FARS2: variants seen among roughly 807,000 people sequenced by gnomAD.
FARS2 encodes the protein phenylalanyl-tRNA synthetase 2, mitochondrial, also known as phenylalanine--tRNA ligase, mitochondrial.
In FARS2, 40 loss-of-function variants were observed where a neutral mutation model predicts 46.4. The ratio of observed to expected loss-of-function variants is 0.86; its 90% confidence interval spans 0.67 to 1.12. The LOEUF (loss-of-function observed/expected upper bound fraction) is 1.12. Ranked by LOEUF, FARS2 falls within the 50% of genes most tolerant of loss-of-function variation. The pLI is 0.00. For synonymous variants in FARS2, 234 were observed against 214.9 expected, an observed-to-expected ratio of 1.09 and a Z score of -0.78; for missense variants, 513 against 567.9, an observed-to-expected ratio of 0.90 and a Z score of 0.98.
chr6:5,552,853 GT>G (rs1191925152), intron 5 of FARS2, among the ~76,000 whole-genome samples: 4 of 152,150 alleles, frequency 2.6e-5, no homozygotes, highest in African/African-American at 9.6e-5. Flanking sequence ...CGTTCTGAGT[GT>G]TTGGGTCTTT....
chr6:5,369,841 T>A (rs888661588), intron 2 of FARS2, among the ~76,000 whole-genome samples: 2 of 152,102 alleles, frequency 1.3e-5, no homozygotes, highest in Non-Finnish European at 2.9e-5. Flanking sequence ...GTGCATCTGT[T>A]AGATGTTATC....
rs185506975 is a variant in FARS2, at chr6:5,506,489, A to G, written c.905-38691A>G. On this transcript the variant is annotated intron_variant, in intron 4 of 6. Transcript: ENST00000274680. ...TGGGGCTGGGCACAGCCTCTTAACCACCGAATTGTCTTCTGTTTACAATTC... is the reference window on the plus strand; with the variant it reads ...TGGGGCTGGGCACAGCCTCTTAACCGCCGAATTGTCTTCTGTTTACAATTC... Among the ~76,000 whole-genome samples, 275 of 152,182 alleles carry G rather than the reference A, an allele frequency of 1.8e-3. 1 individual carries two copies. Among genetic ancestry groups the G allele is most frequent in the Middle Eastern group, 3.4e-3 (1 of 294 alleles).
intron 4 of FARS2, among the ~76,000 whole-genome samples, chr6:5,537,546 C>T (rs111356206): frequency 5.2e-5 from 6 of 115,744 alleles, no homozygotes; most frequent in African/African-American, 1.9e-4. Context: ...GGCCTCCTCT[C>T]GAGTTGGAGA....
intron 4 of FARS2, among the ~76,000 whole-genome samples, chr6:5,516,587 T>G (rs1768808748): frequency 6.6e-6 from 1 of 152,224 alleles, no homozygotes; most frequent in Non-Finnish European, 1.5e-5. Flanking sequence ...TGTTTGTCAC[T>G]TAAACTCTTC....
chr6:5,411,156 G>A (rs1011743379), intron 3 of FARS2, among the ~76,000 whole-genome samples: 14 of 152,192 alleles, frequency 9.2e-5, no homozygotes, highest in Non-Finnish European at 1.8e-4. Context: ...GCTCACGCCT[G>A]TAGTCCCAGC....
chr6:5,714,726 A>G (rs532595478), intron 6 of FARS2, among the ~76,000 whole-genome samples: 2 of 152,148 alleles, frequency 1.3e-5, no homozygotes, highest in Non-Finnish European at 2.9e-5. Context: ...AGATGAGAGT[A>G]ATAAAACTTC....
chr6:5,574,194 C>T (rs967412539), intron 5 of FARS2, among the ~76,000 whole-genome samples: 6 of 151,984 alleles, frequency 3.9e-5, no homozygotes, highest in Non-Finnish European at 8.8e-5. Flanking sequence ...TACAGTGGTG[C>T]GATCTCGGCT....
chr6:5,654,560 G>A (rs573326564), intron 6 of FARS2, among the ~76,000 whole-genome samples: 2 of 152,280 alleles, frequency 1.3e-5, no homozygotes, highest in East Asian at 3.9e-4. Context: ...ACACCGAAAA[G>A]CATTAAGACT....
chr6:5,697,406 T>C (rs769980584), intron 6 of FARS2, among the ~76,000 whole-genome samples: 2 of 152,180 alleles, frequency 1.3e-5, no homozygotes, highest in African/African-American at 2.4e-5. Context: ...ACATCCACCA[T>C]TGAAGGGAAT....
At chr6:5,719,190 C>A (rs1759709182) in intron 6 of FARS2, among the ~76,000 whole-genome samples, 3 of 151,748 alleles carry the variant, frequency 2.0e-5, no homozygotes, top group Admixed American at 2.0e-4. Context: ...CAAGACCAGC[C>A]CGGGCAACAA....
intron 6 of FARS2, among the ~76,000 whole-genome samples, chr6:5,693,667 T>C (rs1040574254): frequency 3.9e-5 from 6 of 152,218 alleles, no homozygotes. Flanking sequence ...TCTGTGATGC[T>C]GGGGCCTTGT....
At chr6:5,251,169 TA>T in the FARS2 span, among the ~76,000 whole-genome samples, 2 of 152,166 alleles carry the variant, frequency 1.3e-5, no homozygotes, top group Non-Finnish European at 2.9e-5. Flanking sequence ...AGTGTGGTAA[TA>T]TATACATACA....
intron 5 of FARS2, among the ~76,000 whole-genome samples, chr6:5,548,623 A>G (rs1417786156): frequency 6.6e-6 from 1 of 152,204 alleles, no homozygotes; most frequent in East Asian, 1.9e-4. Context: ...GGTGTGCTCA[A>G]CACCATGGTG....
rs112623013 is a variant in FARS2, at chr6:5,610,748, C to T, written c.1066-2421C>T. ...ATAATATTGTACGTAATCGAAGGTC[C>T]CTTTGGATTCTAAAATTCCACAATT... On this transcript the variant is annotated intron_variant, in intron 5 of 6. Transcript: ENST00000274680. Among the ~76,000 whole-genome samples, 311 of 152,212 alleles carry T rather than the reference C, an allele frequency of 2.0e-3. 3 individuals carry two copies. The highest frequency in any genetic ancestry group is 7.2e-3 in the African/African-American group (301 of 41,530).
intron 1 of FARS2, among the ~76,000 whole-genome samples, chr6:5,276,510 T>TA (rs543472900): frequency 3.2e-4 from 48 of 152,352 alleles, no homozygotes; most frequent in African/African-American, 1.1e-3. Flanking sequence ...CTCTATTTGA[T>TA]AACAATAATC....
intron 6 of FARS2, among the ~76,000 whole-genome samples, chr6:5,702,727 C>T (rs1466197882): frequency 5.9e-5 from 9 of 152,232 alleles, no homozygotes; most frequent in Admixed American, 5.2e-4. Flanking sequence ...AAATAATACT[C>T]ATCCAAGGAT....
chr6:5,548,442 A>G (rs566213235), intron 5 of FARS2, among the ~76,000 whole-genome samples: 1 of 152,308 alleles, frequency 6.6e-6, no homozygotes, highest in South Asian at 2.1e-4. Flanking sequence ...TACTTGAATA[A>G]TTATCTGTTT....
intron 1 of FARS2, among the ~76,000 whole-genome samples, chr6:5,301,633 G>A (rs1768306363): frequency 6.6e-6 from 1 of 152,058 alleles, no homozygotes; most frequent in Non-Finnish European, 1.5e-5. Flanking sequence ...CTTCTATCAA[G>A]AGCAGTTTGC....
rs76745102 is a variant in FARS2 at position 5,378,932 on chromosome 6, C to T, written c.612+9750C>T. On this transcript the variant is annotated intron_variant, in intron 2 of 6. Transcript: ENST00000274680. ...GAGGGCAAAGCATGATTTGGAGGAC[C>T]GTTTGGAGAGAGACCCCTTTTTCTG... Among the ~76,000 whole-genome samples, 223 of 152,264 alleles carry T rather than the reference C, an allele frequency of 1.5e-3. 2 individuals are homozygous for T. Among genetic ancestry groups the T allele is most frequent in the Middle Eastern group, 6.8e-3 (2 of 294 alleles).
Sources: gnomAD v4.1 joint callset for allele counts (sites outside exome capture counted in the v4.1 genomes callset) on GRCh38, gnomAD v4.1.1 for gene constraint, MANE v1.5 for transcripts, NCBI Gene and HGNC (gene_info 2026-07-23, HGNC 2026-07-21) for gene names.